The following CARD14 variants were observed in gnomAD, a reference collection of about 807,000 sequenced individuals.
CARD14 encodes the protein caspase recruitment domain family member 14.
Under a neutral mutation model 111.5 loss-of-function variants are expected in CARD14, and 107 were observed. The ratio of observed to expected loss-of-function variants is 0.96; its 90% confidence interval spans 0.82 to 1.13. The LOEUF (loss-of-function observed/expected upper bound fraction) is 1.13, where lower values mean the gene tolerates loss of function less well. CARD14 is among the 50% of genes most tolerant of loss of function. The probability of loss-of-function intolerance (pLI) is 0.00; values close to 1 mark genes in which losing one functional copy is unlikely to be tolerated. For missense variants in CARD14, 1,322 were observed against 1,362.3 expected (o/e 0.97, Z 0.47); for synonymous variants, 617 against 579.6 (o/e 1.06, Z -0.93).
chr17:80,171,286 CT>C (rs1256741240), intron 1 of CARD14, among the ~76,000 whole-genome samples: 1 of 146,578 alleles, frequency 6.8e-6, no homozygotes, highest in Non-Finnish European at 1.5e-5. Flanking sequence ...TTCTTTTCTT[CT>C]TTTCTTTCTT....
chr17:80,183,136 G>A (rs2040226468), intron 6 of CARD14, among the ~76,000 whole-genome samples: 4 of 152,214 alleles, frequency 2.6e-5, no homozygotes, highest in Admixed American at 2.0e-4. Flanking sequence ...CGGCTTTGCT[G>A]GAGGGGCCAG....
chr17:80,193,476 G>C (rs2040602286), intron 12 of CARD14, among the ~76,000 whole-genome samples: 1 of 152,228 alleles, frequency 6.6e-6, no homozygotes, highest in South Asian at 2.1e-4. Context: ...CCTGGCATCT[G>C]TCCTCACCCT....
intron 23 of CARD14, 144 bp downstream of exon 23, chr17:80,207,229 C>A: frequency 1.7e-6 from 1 of 598,062 alleles, no homozygotes; most frequent in Non-Finnish European, 2.9e-6. Context: ...AACTTTGGGA[C>A]AAGGGCCCCG....
At chr17:80,190,001 G>A (rs1488544880) in intron 9 of CARD14, 129 bp downstream of exon 9, 22 of 1,298,250 alleles carry the variant, frequency 1.7e-5, no homozygotes, top group East Asian at 3.0e-5. Flanking sequence ...CGAATCTGTC[G>A]GCCTGTTCAT....
At chr17:80,176,439 CAAAAAAAAAAAAA>C (rs11290027) in intron 2 of CARD14, among the ~76,000 whole-genome samples, 1 of 96,862 alleles carries the variant, frequency 1.0e-5, no homozygotes. Context: ...GACCTTGTCT[CAAAAAAAAAAAAA>C]AAAAAAAAGG....
In CARD14 at chr17:80,198,135, C is replaced by CAA. The variant is rs769912653; in HGVS notation, c.1631_1632insAA (p.Pro545ThrfsTer23). On this transcript the variant is annotated frameshift_variant, in exon 15 of 24. Coordinates refer to ENST00000648509, the MANE Select transcript of CARD14 (RefSeq NM_001366385.1). LOFTEE classifies it high-confidence loss of function. The surrounding 1 kb of genome is among the most constrained non-coding windows in gnomAD (Gnocchi z 7.5). ...CTGGAAAGCAGCCTGCAGCCAGTCT[C>CAA]CCCTGGAAGGCTTGATGTCTCGGAG... 8.1e-6 allele frequency: 13 copies of CAA among 1,613,806 alleles called. No homozygotes were observed. Among genetic ancestry groups the CAA allele is most frequent in the Non-Finnish European group, 7.6e-6 (9 of 1,180,032 alleles).
intron 17 of CARD14, 145 bp downstream of exon 17, chr17:80,202,015 G>A (rs1024965564): frequency 5.5e-6 from 7 of 1,274,940 alleles, no homozygotes; most frequent in African/African-American, 3.0e-5. Context: ...AGGTCCCCAG[G>A]AGGCCCCCAA....
chr17:80,191,509 C>T lies in CARD14; in HGVS notation c.1239+37C>T. The T allele has an allele frequency of 1.9e-6, 3 of 1,598,504 alleles. 1 individual carries two copies. The South Asian group carries it at 3.3e-5, about 18-fold the overall frequency. Reference sequence around the variant, plus strand: ...CGGCTGACCCGAGCTGGAGGCCAGGCAGGGGCTGCGGTGACAGTGGGACAG... The same window carrying T: ...CGGCTGACCCGAGCTGGAGGCCAGGTAGGGGCTGCGGTGACAGTGGGACAG... On this transcript the variant is annotated intron_variant, in intron 11 of 23. Transcript: ENST00000648509.
intron 10 of CARD14, 54 bp downstream of exon 10, chr17:80,190,953 G>T: frequency 6.3e-7 from 1 of 1,591,866 alleles, no homozygotes; most frequent in Non-Finnish European, 8.6e-7. Flanking sequence ...CCCCAGGTGA[G>T]GGCTGGTTCC....
At position 80,203,721 on chromosome 17, in the gene CARD14, TC is replaced by T. The variant is rs1598704169; in HGVS notation, c.2220-98del. The stretch of plus-strand genomic sequence containing the variant: ...GGAGCTCTAGGTGGAGGCCCTTCTC[TC>T]CCACCCGGCCATCTCCCCCACTCTC... On this transcript the variant is annotated intron_variant, in intron 18 of 23. Transcript: ENST00000648509. This position sits in a 1 kb window ranked among gnomAD's most constrained non-coding sequence, Gnocchi z 4.6. 1.2e-6 allele frequency: 1 copy of T among 806,646 alleles called. No homozygotes were observed. The highest frequency in any genetic ancestry group is 2.0e-6 in the Non-Finnish European group (1 of 504,546). 50.0% of individuals were successfully genotyped at this position (806,646 alleles called of 1,614,324 possible). A position where few individuals can be genotyped will look rare whatever the true frequency, so the allele number is the denominator to read the frequency against.
Position 80,195,576 on chromosome 17 carries a change from G to A in CARD14, c.1518G>A (p.Pro506=), listed in dbSNP as rs111586978. 1.2e-4 allele frequency: 193 copies of A among 1,612,380 alleles called. No individual in the cohort carries two copies. The African/African-American group carries it at 2.1e-3, about 18-fold the overall frequency. ...PWSFSSCLEI[P]EGDPGALPGA... ...TTTGCAGCAGCTGCCTGGAGATCCC[G>A]GAGGGAGACCCGGGAGCCCTGCCGG... The change falls in exon 14 of 24, where the codon CCG becomes CCA. Residue 506 remains proline (P), a synonymous_variant. Coordinates refer to ENST00000648509, the MANE Select transcript of CARD14 (RefSeq NM_001366385.1). The surrounding 1 kb of genome is among the most constrained non-coding windows in gnomAD (Gnocchi z 4.7).
rs769606058 is a variant in CARD14 at position 80,182,509 on chromosome 17, C to T, written c.212-144C>T. On this transcript the variant is annotated intron_variant, in intron 5 of 23. Coordinates refer to ENST00000648509, the MANE Select transcript of CARD14 (RefSeq NM_001366385.1). The surrounding 1 kb of genome is among the most constrained non-coding windows in gnomAD (Gnocchi z 4.7). The stretch of plus-strand genomic sequence containing the variant: ...GAGGGCGCGTCCCACCCAGCAGAAC[C>T]CAGAAAACCGCTTTCACCTCCCGAT... 1.1e-6 allele frequency: 1 copy of T among 945,632 alleles called. No homozygotes were observed. The highest frequency in any genetic ancestry group is 2.6e-5 in the East Asian group (1 of 37,954). 58.6% of individuals were successfully genotyped at this position (945,632 alleles called of 1,614,324 possible).
In CARD14 at chr17:80,198,272, G is replaced by A. The variant is rs1033026080; in HGVS notation, c.1658+110G>A. The stretch of plus-strand genomic sequence containing the variant: ...CAATGGGAGGCAACAGCCTTTCCAA[G>A]CACATGGGGCCATGGAGGGGGAGGA... On this transcript the variant is annotated intron_variant, in intron 15 of 23. Transcript: ENST00000648509. This position sits in a 1 kb window ranked among gnomAD's most constrained non-coding sequence, Gnocchi z 7.5. 6 of 1,568,866 alleles carry A rather than the reference G, an allele frequency of 3.8e-6. No homozygotes were observed. In the Admixed American group the frequency reaches 6.8e-5, roughly 18 times the overall value.
In CARD14 at chr17:80,183,959, C is replaced by T. The variant is rs762068444; in HGVS notation, c.396C>T (p.Ile132=). Residue 132 remains isoleucine (I), a synonymous_variant, in exon 7 of 24, where the codon ATC becomes ATT. Transcript: ENST00000648509. ...TGACCGAGTGCCTGGCTGGGGCCAT[C>T]GGCAGCCTGCAGGAGGAGCTGAACC... The part of the protein sequence containing the change: ...SKLTECLAGA[I]GSLQEELNQE... The T allele has an allele frequency of 2.8e-5, 43 of 1,546,586 alleles. No individual in the cohort carries two copies. The highest frequency in any genetic ancestry group is 1.3e-4 in the South Asian group (10 of 79,778).
Position 80,187,611 on chromosome 17 carries a change from G to T in CARD14, c.676-766G>T, listed in dbSNP as rs570751142. On this transcript the variant is annotated intron_variant, in intron 7 of 23. Coordinates refer to ENST00000648509, the MANE Select transcript of CARD14 (RefSeq NM_001366385.1). ...ATTGACAATGTGCTAACCGGGTGTC[G>T]GGAGGGGAGAGTCCAGGTGGAAAGG... 3.9e-5 allele frequency among the ~76,000 whole-genome samples: 6 copies of T among 152,332 alleles called. No individual in the cohort carries two copies. In the South Asian group the frequency reaches 1.2e-3, roughly 32 times the overall value.
At chr17:80,190,649 G>C in intron 9 of CARD14, 125 bp from the exon 10 acceptor site, 1 of 980,858 alleles carries the variant, frequency 1.0e-6, no homozygotes, top group Non-Finnish European at 1.5e-6. Context: ...AGACGAGTGA[G>C]AATTGACCTT....
At chr17:80,177,145 C>T (rs113227844) in intron 2 of CARD14, among the ~76,000 whole-genome samples, 1,640 of 152,292 alleles carry the variant, frequency 0.011, 30 homozygotes, top group African/African-American at 0.037. Flanking sequence ...CGACCCTTGG[C>T]GTGTCACTCC....
chr17:80,183,937 C>G lies in CARD14; in HGVS notation c.374C>G (p.Thr125Ser). ...GGTCTCATGGAGACATCCAAGCTGA[C>G]CGAGTGCCTGGCTGGGGCCATCGGC... ...FSGLMETSKLTECLAGAIGSL... is the reference protein window; with the variant it reads ...FSGLMETSKLSECLAGAIGSL... Residue 125 changes from threonine to serine, a missense_variant, in exon 7 of 24, where the codon ACC becomes AGC. Thr to Ser is a moderately conservative substitution (Grantham distance 58, BLOSUM62 1). Coordinates refer to ENST00000648509, the MANE Select transcript of CARD14 (RefSeq NM_001366385.1). 1 of 1,527,596 alleles carries G rather than the reference C, an allele frequency of 6.5e-7. No individual in the cohort carries two copies. The highest frequency in any genetic ancestry group is 8.8e-7 in the Non-Finnish European group (1 of 1,136,202). 94.6% of individuals were successfully genotyped at this position (1,527,596 alleles called of 1,614,324 possible).
At chr17:80,200,201 T>C (rs1218225762) in intron 16 of CARD14, among the ~76,000 whole-genome samples, 3 of 149,984 alleles carry the variant, frequency 2.0e-5, no homozygotes, top group Admixed American at 1.3e-4. Flanking sequence ...GTCCTCCACA[T>C]GACCCGGGAA....
Sources: allele counts gnomAD v4.1 joint callset (sites outside exome capture counted in the v4.1 genomes callset), GRCh38; gene constraint gnomAD v4.1.1; non-coding constraint Gnocchi (gnomAD v3.1); transcripts MANE v1.5; gene names NCBI Gene and HGNC (gene_info 2026-07-23, HGNC 2026-07-21).